Variants in CACNA1H observed in about 807,000 individuals in gnomAD.
The protein encoded by CACNA1H is calcium voltage-gated channel subunit alpha1 H, also known as voltage-dependent T-type calcium channel subunit alpha-1H.
A neutral mutation model predicts 192.5 loss-of-function variants in CACNA1H; 149 were observed. The observed-to-expected ratio is 0.77, with a 90% CI of 0.68 to 0.89. The LOEUF is 0.89. Among genes scored for constraint, CACNA1H ranks in the 40% least tolerant of loss-of-function variants. CACNA1H has a pLI of 0.00. For synonymous variants in CACNA1H, 2,202 were observed against 1,475.2 expected (o/e 1.49, Z -11.29); for missense variants, 4,257 against 3,423.5 (o/e 1.24, Z -6.08).
At chr16:1,214,931 G>A (rs751492710) in intron 27 of CACNA1H, 41 bp from the exon 28 acceptor site, 1 of 1,447,690 alleles carries the variant, frequency 6.9e-7, no homozygotes, top group Non-Finnish European at 9.5e-7. Flanking sequence ...AAGAGGGGTG[G>A]CCCCAGCCCC....
At chr16:1,196,859 TG>T (rs1252374479) in intron 5 of CACNA1H, among the ~76,000 whole-genome samples, 3 of 152,092 alleles carry the variant, frequency 2.0e-5, no homozygotes, top group African/African-American at 7.2e-5. Flanking sequence ...TACATTCAAC[TG>T]CTCTGGTTCC....
At chr16:1,208,255 C>G in intron 16 of CACNA1H, 34 bp downstream of exon 16, 1 of 1,485,850 alleles carries the variant, frequency 6.7e-7, no homozygotes, top group Non-Finnish European at 9.1e-7. Context: ...CTCTCAGGCC[C>G]CTTCAGGTTT....
chr16:1,172,610 G>A (rs543352255), intron 2 of CACNA1H, among the ~76,000 whole-genome samples: 13 of 152,304 alleles, frequency 8.5e-5, no homozygotes, highest in African/African-American at 3.1e-4. Flanking sequence ...AGGAGCTCCC[G>A]GCTTCTGTAA....
At chr16:1,206,596 G>A in intron 12 of CACNA1H, 1 of 468,094 alleles carries the variant, frequency 2.1e-6, no homozygotes, top group Non-Finnish European at 3.8e-6. Context: ...CAACTGGGGT[G>A]TTCTGAGCGC....
rs762839425 is a variant in CACNA1H at position 1,220,334 on chromosome 16, G to T, written c.6402G>T (p.Arg2134Ser). The T allele has an allele frequency of 2.6e-6, 4 of 1,552,746 alleles. No homozygotes were observed. The highest frequency in any genetic ancestry group is 3.9e-5 in the Admixed American group (2 of 51,780). Reference sequence around the variant, plus strand: ...CCGGCGGCGAGCGGGACCTGCGCAGGCTCTACAGCGTGGATGCTCAGGGCT... The same window carrying T: ...CCGGCGGCGAGCGGGACCTGCGCAGTCTCTACAGCGTGGATGCTCAGGGCT... Reference protein sequence around the residue: ...PVAGGERDLRRLYSVDAQGFL... With the variant: ...PVAGGERDLRSLYSVDAQGFL... The change falls in exon 35 of 35, where the codon AGG (arginine) becomes AGT (serine). Residue 2134 changes from arginine to serine, a missense_variant. Transcript: ENST00000348261.
rs769489660 is a variant in CACNA1H, at chr16:1,220,532, C to T, written c.6600C>T (p.Asp2200=). 128 of 1,533,914 alleles carry T rather than the reference C, an allele frequency of 8.3e-5. No individual in the cohort carries two copies. Among genetic ancestry groups the T allele is most frequent in the Non-Finnish European group, 1.0e-4 (115 of 1,148,130 alleles). ...PCISVEPPAE[D]EGSARPSAAE... is the part of the protein sequence containing the mutation. ...TCTCGGTGGAACCCCCTGCGGAGGA[C>T]GAGGGCTCTGCGCGGCCCTCCGCGG... Residue 2200 remains aspartate, a synonymous_variant, in exon 35 of 35, where the codon GAC becomes GAT. Coordinates refer to ENST00000348261, the MANE Select transcript of CACNA1H (RefSeq NM_021098.3).
rs772587419 is a variant in CACNA1H at position 1,212,018 on chromosome 16, C to T, written c.4639C>T (p.Leu1547Phe). The T allele has an allele frequency of 3.1e-6, 5 of 1,613,564 alleles. No homozygotes were observed. Among genetic ancestry groups the T allele is most frequent in the Non-Finnish European group, 4.2e-6 (5 of 1,179,720 alleles). Reference protein sequence around the residue: ...SFLLIVSFFVLNMFVGVVVEN... With the variant: ...SFLLIVSFFVFNMFVGVVVEN... ...CCTGCTCATCGTCAGCTTCTTCGTG[C>T]TCAACATGTTCGTGGGCGTCGTGGT... Residue 1547 changes from leucine to phenylalanine, a missense_variant, in exon 25 of 35, where the codon CTC becomes TTC. Leu to Phe is a conservative substitution (Grantham distance 22, BLOSUM62 0). Coordinates refer to ENST00000348261, the MANE Select transcript of CACNA1H (RefSeq NM_021098.3).
At chr16:1,154,410 C>T (rs997514882) in intron 2 of CACNA1H, among the ~76,000 whole-genome samples, 1 of 152,128 alleles carries the variant, frequency 6.6e-6, no homozygotes, top group African/African-American at 2.4e-5. Flanking sequence ...GCCCACCCCT[C>T]ACTGTCTGAA....
chr16:1,210,373 C>A lies in CACNA1H; in HGVS notation c.3849C>A (p.Phe1283Leu). The change falls in exon 19 of 35, where the codon TTC becomes TTA. Residue 1283 changes from phenylalanine (F) to leucine (L), a missense_variant. By Grantham distance (22) the Phe-to-Leu change is conservative. Coordinates refer to ENST00000348261, the MANE Select transcript of CACNA1H (RefSeq NM_021098.3). ...ALYLFSPQNR[F>L]RVSCQKVITH... is the part of the protein sequence containing the mutation. ...TCACCCGCCCCCGCCCACCCAGGTTCCGCGTCTCCTGCCAGAAGGTCATCA... is the reference window on the plus strand; with the variant it reads ...TCACCCGCCCCCGCCCACCCAGGTTACGCGTCTCCTGCCAGAAGGTCATCA... 1 of 667,692 alleles carries A rather than the reference C, an allele frequency of 1.5e-6. No homozygotes were observed. Among genetic ancestry groups the A allele is most frequent in the Non-Finnish European group, 2.4e-6 (1 of 425,444 alleles). The allele number at this position is 667,692 out of a possible 1,614,324, so 41.4% of individuals were successfully genotyped here.
At chr16:1,193,246 G>C (rs985307505) in intron 2 of CACNA1H, among the ~76,000 whole-genome samples, 1 of 152,236 alleles carries the variant, frequency 6.6e-6, no homozygotes, top group Admixed American at 6.5e-5. Context: ...AGCCACCCCC[G>C]CAGAAAGGTG....
Position 1,218,306 on chromosome 16 carries a change from C to T in CACNA1H, c.5542C>T (p.Gln1848Ter). The stretch of plus-strand genomic sequence containing the variant: ...CTTCGTGACCTTCGTGCTGGTGGCC[C>T]AGTTCGTGCTGGTGAACGTGGTGGT... ...VYFVTFVLVA[Q>*]FVLVNVVVAV... The change falls in exon 33 of 35, where the codon CAG becomes TAG. Residue 1848 changes from glutamine (Q) to a stop codon, truncating the protein, a stop_gained. Coordinates refer to ENST00000348261, the MANE Select transcript of CACNA1H (RefSeq NM_021098.3). LOFTEE classifies it high-confidence loss of function. 6.4e-7 allele frequency: 1 copy of T among 1,555,392 alleles called. No individual in the cohort carries two copies. Among genetic ancestry groups the T allele is most frequent in the Non-Finnish European group, 8.7e-7 (1 of 1,149,882 alleles).
At chr16:1,202,805 C>T (rs954615369) in intron 9 of CACNA1H, among the ~76,000 whole-genome samples, 1 of 152,110 alleles carries the variant, frequency 6.6e-6, no homozygotes, top group Non-Finnish European at 1.5e-5. Context: ...CTGGACGCTT[C>T]CCTGGAGGAC....
chr16:1,211,034 C>A, intron 21 of CACNA1H, 63 bp downstream of exon 21: 1 of 1,557,594 alleles, frequency 6.4e-7, no homozygotes. Flanking sequence ...CGCCACTGCC[C>A]ATTACTCCTC....
chr16:1,205,963 G>A (rs1968652357), intron 11 of CACNA1H, 141 bp from the exon 12 acceptor site: 2 of 757,446 alleles, frequency 2.6e-6, no homozygotes, highest in Admixed American at 3.0e-5. Flanking sequence ...CATGCACCTT[G>A]ATGCAGCCAT....
chr16:1,206,727 T>G (rs1366112564), intron 12 of CACNA1H: 6 of 477,524 alleles, frequency 1.3e-5, no homozygotes, highest in Non-Finnish European at 2.3e-5. Context: ...CAGGTTCCAG[T>G]TGCCACCCAA....
At chr16:1,168,428 G>A (rs1964021337) in intron 2 of CACNA1H, among the ~76,000 whole-genome samples, 1 of 152,114 alleles carries the variant, frequency 6.6e-6, no homozygotes, top group Non-Finnish European at 1.5e-5. Flanking sequence ...GGGCAGGCGG[G>A]GAGGCTGCTG....
intron 9 of CACNA1H, 61 bp from the exon 10 acceptor site, chr16:1,203,949 C>G: frequency 7.7e-7 from 1 of 1,303,566 alleles, no homozygotes; most frequent in Non-Finnish European, 1.0e-6. Flanking sequence ...TGTGAGGGTT[C>G]CCGGGCCCTT....
intron 16 of CACNA1H, among the ~76,000 whole-genome samples, chr16:1,208,685 G>A (rs1447681949): frequency 2.0e-5 from 3 of 152,160 alleles, no homozygotes; most frequent in African/African-American, 7.2e-5. Context: ...TGAGCCAGAC[G>A]CCCTAGCAGG....
At chr16:1,171,894 C>T (rs1472281994) in intron 2 of CACNA1H, among the ~76,000 whole-genome samples, 1 of 152,254 alleles carries the variant, frequency 6.6e-6, no homozygotes, top group African/African-American at 2.4e-5. Flanking sequence ...GGGCAGAGCC[C>T]AAGGCCAGGG....
Sources: allele counts gnomAD v4.1 joint callset (sites outside exome capture counted in the v4.1 genomes callset), GRCh38; gene constraint gnomAD v4.1.1; transcripts MANE v1.5; gene names NCBI Gene and HGNC (gene_info 2026-07-23, HGNC 2026-07-21).